The following DLST variants were observed in gnomAD, a reference collection of about 807,000 sequenced individuals.
DLST encodes dihydrolipoyllysine-residue succinyltransferase component of 2-oxoglutarate dehydrogenase complex, mitochondrial.
DLST carries 17 observed loss-of-function variants against 53.1 expected under a neutral mutation model. That is an observed-to-expected ratio of 0.32 (90% confidence interval 0.22 to 0.48). The LOEUF (loss-of-function observed/expected upper bound fraction) is 0.48. DLST is among the 20% of genes least tolerant of loss of function. The pLI, the probability that DLST is intolerant of heterozygous loss-of-function variation, is 0.99. For synonymous variants in DLST, 206 were observed against 204.8 expected, an observed-to-expected ratio of 1.01 and a Z score of -0.05; for missense variants, 512 against 583.9, an observed-to-expected ratio of 0.88 and a Z score of 1.27.
intron 1 of DLST, 136 bp from the exon 2 acceptor site, chr14:74,882,450 CACGGT>C: frequency 2.6e-6 from 2 of 758,534 alleles, no homozygotes; most frequent in Non-Finnish European, 2.2e-6. Flanking sequence ...GGTCTGCCAG[CACGGT>C]GTGTTGCATT....
chr14:74,882,524 C>T, intron 1 of DLST, 67 bp from the exon 2 acceptor site: 1 of 1,545,504 alleles, frequency 6.5e-7, no homozygotes, highest in Non-Finnish European at 8.9e-7. Flanking sequence ...TGAGCGTGTA[C>T]TTAAAAGAAA....
At chr14:74,902,113 T>A (rs1257739004) in intron 14 of DLST, 83 bp from the exon 15 acceptor site, 13 of 1,370,762 alleles carry the variant, frequency 9.5e-6, no homozygotes, top group Middle Eastern at 1.9e-4. Context: ...TTAGGAACTT[T>A]CTTATGGGCT....
intron 2 of DLST, among the ~76,000 whole-genome samples, chr14:74,883,228 G>C (rs1883591720): frequency 6.6e-6 from 1 of 151,544 alleles, no homozygotes; most frequent in Admixed American, 6.6e-5. Flanking sequence ...CCGGGAGGCG[G>C]AGCTTGCAGT....
At chr14:74,898,704 T>G (rs1231110322) in intron 11 of DLST, among the ~76,000 whole-genome samples, 2 of 152,234 alleles carry the variant, frequency 1.3e-5, no homozygotes, top group Non-Finnish European at 2.9e-5. Flanking sequence ...GCAGAACAGT[T>G]TCTCTTCCCA....
chr14:74,893,115 A>G (rs942402193), intron 8 of DLST, 129 bp downstream of exon 8: 3 of 1,237,320 alleles, frequency 2.4e-6, no homozygotes, highest in Non-Finnish European at 3.3e-6. Flanking sequence ...AGAATTCTAG[A>G]CTTTGTATCC....
At chr14:74,887,270 C>T (rs1014509109) in intron 3 of DLST, among the ~76,000 whole-genome samples, 3 of 152,066 alleles carry the variant, frequency 2.0e-5, no homozygotes, top group African/African-American at 7.2e-5. Context: ...GGTATGATCC[C>T]ATTGTAAGTA....
chr14:74,891,238 T>C (rs776721645), intron 7 of DLST, 71 bp downstream of exon 7: 1 of 1,602,186 alleles, frequency 6.2e-7, no homozygotes, highest in Non-Finnish European at 8.5e-7. Context: ...CATAATGTGC[T>C]AATTCCCCGA....
intron 14 of DLST, among the ~76,000 whole-genome samples, chr14:74,901,986 G>C (rs945773299): frequency 6.6e-6 from 1 of 152,176 alleles, no homozygotes; most frequent in African/African-American, 2.4e-5. Flanking sequence ...GTTGTGAGAA[G>C]ACAGTTTTCT....
At chr14:74,897,080 T>C (rs1884097216) in intron 10 of DLST, among the ~76,000 whole-genome samples, 1 of 152,202 alleles carries the variant, frequency 6.6e-6, no homozygotes, top group African/African-American at 2.4e-5. Context: ...ACAATAACAT[T>C]TGGGCAGGTT....
chr14:74,892,865 T>C lies in DLST; in HGVS notation c.474T>C (p.Ala158=). 14 of 1,613,796 alleles carry C rather than the reference T, an allele frequency of 8.7e-6. No individual in the cohort carries two copies. Among genetic ancestry groups the C allele is most frequent in the African/African-American group, 1.3e-5 (1 of 75,008 alleles). ...CTGCTAAGGCCAAGCCGGCTGAAGC[T>C]CCTGCTGCTGCAGCCCCAAAAGCAG... is the stretch of plus-strand genomic sequence containing the variant. ...AAPAKAKPAE[A]PAAAAPKAEP... Residue 158 remains alanine, a synonymous_variant, in exon 8 of 15, where the codon GCT becomes GCC. Coordinates refer to ENST00000334220, the MANE Select transcript of DLST (RefSeq NM_001933.5).
At chr14:74,887,559 GT>G in intron 3 of DLST, among the ~76,000 whole-genome samples, 1 of 152,088 alleles carries the variant, frequency 6.6e-6, no homozygotes. Context: ...ACAATTTTTG[GT>G]TTTATGTTTT....
Position 74,889,359 on chromosome 14 carries a change from A to C in DLST, c.274+10A>C. 6.9e-7 allele frequency: 1 copy of C among 1,457,048 alleles called. No individual in the cohort carries two copies. Among genetic ancestry groups the C allele is most frequent in the Non-Finnish European group, 9.4e-7 (1 of 1,062,362 alleles). 90.3% of individuals were successfully genotyped at this position (1,457,048 alleles called of 1,614,324 possible). ...GTCAGGTGGGAGAAAGGTAAGATTT[A>C]GTTTCCTATTTTTTTTTTTTTTTTT... is the stretch of plus-strand genomic sequence containing the variant. On this transcript the variant is annotated intron_variant, in intron 5 of 14. Transcript: ENST00000334220.
At chr14:74,897,031 A>G (rs1884095829) in intron 10 of DLST, among the ~76,000 whole-genome samples, 1 of 152,176 alleles carries the variant, frequency 6.6e-6, no homozygotes, top group African/African-American at 2.4e-5. Flanking sequence ...CTTTGCCTCC[A>G]AGGGCAGAGC....
At chr14:74,889,398 CTT>C in intron 5 of DLST, 49 bp downstream of exon 5, 2 of 1,435,710 alleles carry the variant, frequency 1.4e-6, no homozygotes, top group Non-Finnish European at 1.9e-6. Context: ...GAGACAGAGT[CTT>C]GCTCTGTTCC....
intron 10 of DLST, 138 bp downstream of exon 10, chr14:74,894,547 GTTTT>G: frequency 3.2e-6 from 3 of 939,886 alleles, no homozygotes; most frequent in Non-Finnish European, 4.6e-6. Context: ...TTGTTTGTTT[GTTTT>G]TGTTTTTGTT....
Position 74,894,369 on chromosome 14 carries a change from A to G in DLST, c.730A>G (p.Thr244Ala). 6.2e-7 allele frequency: 1 copy of G among 1,614,152 alleles called. No individual in the cohort carries two copies. The highest frequency in any genetic ancestry group is 8.5e-7 in the Non-Finnish European group (1 of 1,180,018). Residue 244 changes from threonine (T) to alanine (A), a missense_variant, in exon 10 of 15, where the codon ACA (threonine) becomes GCA (alanine). Around this residue, in one of 4 missense-constraint regions of DLST, gnomAD observed 162 missense variants for 162.0 expected, o/e 1.00. Transcript: ENST00000334220. Reference protein sequence around the residue: ...IAQRLKEAQNTCAMLTTFNEI... With the variant: ...IAQRLKEAQNACAMLTTFNEI... ...TCAGCGTCTGAAGGAGGCCCAGAAT[A>G]CATGTGCAATGCTGACAACTTTTAA...
At position 74,889,270 on chromosome 14, in the gene DLST, C is replaced by T; in HGVS notation, c.200-5C>T. On this transcript the variant is annotated splice_polypyrimidine_tract_variant and splice_region_variant and intron_variant, in intron 4 of 14. Transcript: ENST00000334220. ...TTATGATTTTCTTTTTTGCATTTTT[C>T]CTAGAGGATGACTTGGTTACAGTCA... 3 of 1,612,036 alleles carry T rather than the reference C, an allele frequency of 1.9e-6. No homozygotes were observed. In the South Asian group the frequency reaches 3.3e-5, roughly 18 times the overall value.
intron 1 of DLST, among the ~76,000 whole-genome samples, chr14:74,882,262 G>A (rs1883547099): frequency 6.6e-6 from 1 of 152,204 alleles, no homozygotes. Flanking sequence ...CCCACCCTCC[G>A]CGCGGGAGCT....
At chr14:74,889,682 G>GCTC in intron 5 of DLST, 1 of 568,198 alleles carries the variant, frequency 1.8e-6, no homozygotes, top group Non-Finnish European at 3.1e-6. Flanking sequence ...ACTGCGCCTG[G>GCTC]CTCCTCTCAC....
Sources: allele counts gnomAD v4.1 joint callset (sites outside exome capture counted in the v4.1 genomes callset), GRCh38; gene constraint gnomAD v4.1.1; regional missense constraint gnomAD v4.1.1; transcripts MANE v1.5; gene names NCBI Gene and HGNC (gene_info 2026-07-23, HGNC 2026-07-21).